SEMA3A: variants seen among roughly 807,000 people sequenced by gnomAD.
The protein encoded by SEMA3A is semaphorin-3A.
A neutral mutation model predicts 97.9 loss-of-function variants in SEMA3A; 29 were observed. The ratio of observed to expected loss-of-function variants is 0.30; its 90% CI spans 0.22 to 0.40. The LOEUF (loss-of-function observed/expected upper bound fraction) is 0.40, where lower values mean the gene tolerates loss of function less well. Ranked by LOEUF, SEMA3A falls within the 10% of genes least tolerant of loss-of-function variation. The pLI is 1.00. For synonymous variants in SEMA3A, 321 were observed against 323.7 expected, an observed-to-expected ratio of 0.99 and a Z score of 0.09; for missense variants, 763 against 951.3, an observed-to-expected ratio of 0.80 and a Z score of 2.60.
intron 1 of SEMA3A, among the ~76,000 whole-genome samples, chr7:84,489,376 G>A (rs887998383): frequency 2.6e-5 from 4 of 151,978 alleles, no homozygotes; most frequent in Non-Finnish European, 5.9e-5. Context: ...ATCACTATCT[G>A]CATGTCACTA....
chr7:84,023,624 AAC>A (rs1311383678), intron 6 of SEMA3A, among the ~76,000 whole-genome samples: 3 of 152,174 alleles, frequency 2.0e-5, no homozygotes, highest in Admixed American at 2.0e-4. Flanking sequence ...GGGAAGGCGG[AAC>A]ATATAACCCC....
chr7:84,221,283 A>C, intron 3 of SEMA3A, among the ~76,000 whole-genome samples: 1 of 152,074 alleles, frequency 6.6e-6, no homozygotes, highest in East Asian at 1.9e-4. Flanking sequence ...GGCTTAAGAA[A>C]ATGTATCTGG....
chr7:84,081,169 T>C (rs938310317), intron 4 of SEMA3A, among the ~76,000 whole-genome samples: 1 of 152,098 alleles, frequency 6.6e-6, no homozygotes, highest in Non-Finnish European at 1.5e-5. Context: ...TAGATATAGA[T>C]CCATATTTAG....
chr7:83,992,205 CTCTT>C (rs1487204451), intron 12 of SEMA3A, among the ~76,000 whole-genome samples: 6 of 151,490 alleles, frequency 4.0e-5, no homozygotes, highest in Admixed American at 3.9e-4. Flanking sequence ...TTTGATTCTT[CTCTT>C]TTTTTCTTTA....
chr7:84,224,805 T>C (rs1302422344), intron 3 of SEMA3A, among the ~76,000 whole-genome samples: 1 of 152,014 alleles, frequency 6.6e-6, no homozygotes, highest in Non-Finnish European at 1.5e-5. Context: ...TAGACAGACC[T>C]TTTTCCCATA....
At chr7:84,381,770 C>T (rs571451896) in intron 1 of SEMA3A, among the ~76,000 whole-genome samples, 3 of 152,172 alleles carry the variant, frequency 2.0e-5, no homozygotes, top group South Asian at 4.2e-4. Flanking sequence ...TCCTAACACG[C>T]AATAGTTTTG....
intron 15 of SEMA3A, among the ~76,000 whole-genome samples, chr7:83,973,149 T>G (rs1788986474): frequency 6.6e-6 from 1 of 152,152 alleles, no homozygotes; most frequent in Admixed American, 6.5e-5. Context: ...CTGTCCGAAA[T>G]TTGGGTCCAT....
intron 1 of SEMA3A, among the ~76,000 whole-genome samples, chr7:84,491,104 T>G (rs1023166804): frequency 6.6e-6 from 1 of 152,184 alleles, no homozygotes; most frequent in African/African-American, 2.4e-5. Flanking sequence ...GCTAAATCAT[T>G]TCTGAATATA....
In SEMA3A at chr7:84,397,835, T is replaced by C. The variant is rs1050018549; in HGVS notation, c.-245-25935A>G. On this transcript the variant is annotated intron_variant, in intron 1 of 3. Coordinates refer to the SEMA3A transcript ENST00000424555. ...ATATGGACTTTAGTTTCCTTATATG[T>C]TTTGACATATTAGAATGATATGCCA... Among the ~76,000 whole-genome samples the C allele has an allele frequency of 4.8e-4, 73 of 152,142 alleles. 1 individual carries two copies. The highest frequency in any genetic ancestry group is 4.8e-3 in the Admixed American group (73 of 15,262).
At chr7:84,027,800 T>G (rs1448227033) in intron 6 of SEMA3A, among the ~76,000 whole-genome samples, 2 of 152,072 alleles carry the variant, frequency 1.3e-5, no homozygotes, top group Non-Finnish European at 2.9e-5. Context: ...GAGTTCTCAC[T>G]CATAAAGTGA....
At chr7:84,405,325 A>G (rs1804048078) in intron 1 of SEMA3A, among the ~76,000 whole-genome samples, 2 of 152,368 alleles carry the variant, frequency 1.3e-5, no homozygotes, top group South Asian at 4.1e-4. Flanking sequence ...TCAAGGGATC[A>G]ATTCAACAAG....
intron 1 of SEMA3A, among the ~76,000 whole-genome samples, chr7:84,481,006 T>C (rs574938258): frequency 2.1e-3 from 318 of 152,292 alleles, no homozygotes; most frequent in African/African-American, 7.1e-3. Flanking sequence ...AAGAAGCCTA[T>C]GGCATGAGGG....
At chr7:84,202,972 C>T (rs768152089) in intron 3 of SEMA3A, among the ~76,000 whole-genome samples, 3 of 151,954 alleles carry the variant, frequency 2.0e-5, no homozygotes, top group Non-Finnish European at 4.4e-5. Context: ...GTTTTTCATC[C>T]CTTCTAGTAA....
At chr7:84,282,772 G>A (rs192634020) in intron 3 of SEMA3A, among the ~76,000 whole-genome samples, 1 of 152,156 alleles carries the variant, frequency 6.6e-6, no homozygotes, top group East Asian at 1.9e-4. Flanking sequence ...CCAGCACTTT[G>A]GGAGGCCAAG....
intron 3 of SEMA3A, among the ~76,000 whole-genome samples, chr7:84,300,032 C>CAAAA (rs58929555): frequency 8.8e-3 from 423 of 48,328 alleles, no homozygotes; most frequent in Middle Eastern, 0.013. Flanking sequence ...GACTCAGTCA[C>CAAAA]AAAAAAAAAA....
At chr7:84,322,596 A>G (rs1229459303) in intron 2 of SEMA3A, among the ~76,000 whole-genome samples, 1 of 152,034 alleles carries the variant, frequency 6.6e-6, no homozygotes, top group Non-Finnish European at 1.5e-5. Context: ...GCTGCCATGT[A>G]AGATGTCCCT....
chr7:84,210,763 T>C (rs1362620616), intron 3 of SEMA3A, among the ~76,000 whole-genome samples: 1 of 152,076 alleles, frequency 6.6e-6, no homozygotes, highest in South Asian at 2.1e-4. Context: ...GTATTTATTA[T>C]TTACACCACT....
intron 1 of SEMA3A, among the ~76,000 whole-genome samples, chr7:84,426,271 T>G (rs202186073): frequency 7.1e-6 from 1 of 140,290 alleles, no homozygotes; most frequent in African/African-American, 2.7e-5. Flanking sequence ...GATATAGATA[T>G]ATAGACAGAT....
At chr7:84,388,644 T>TA (rs1405243453) in intron 1 of SEMA3A, among the ~76,000 whole-genome samples, 1 of 152,084 alleles carries the variant, frequency 6.6e-6, no homozygotes, top group Non-Finnish European at 1.5e-5. Flanking sequence ...ATACTTTTTT[T>TA]ACATGTTTTC....
Sources: gnomAD v4.1 joint callset for allele counts (sites outside exome capture counted in the v4.1 genomes callset) on GRCh38, gnomAD v4.1.1 for gene constraint, MANE v1.5 for transcripts, NCBI Gene and HGNC (gene_info 2026-07-23, HGNC 2026-07-21) for gene names.